The following LEPROTL1 variants were observed in gnomAD, a reference collection of about 807,000 sequenced individuals.
LEPROTL1 encodes leptin receptor overlapping transcript like 1.
A neutral mutation model predicts 15.4 loss-of-function variants in LEPROTL1; 6 were observed. The ratio of observed to expected loss-of-function variants is 0.39; its 90% CI spans 0.21 to 0.77. The LOEUF is 0.77. Ranked by LOEUF, LEPROTL1 falls within the 30% of genes least tolerant of loss-of-function variation. The probability of loss-of-function intolerance (pLI) is 0.41; values close to 1 mark genes in which losing one functional copy is unlikely to be tolerated. For missense variants in LEPROTL1, 128 were observed against 158.1 expected (o/e 0.81, Z 1.02); for synonymous variants, 56 against 52.6 (o/e 1.06, Z -0.28).
intron 3 of LEPROTL1, among the ~76,000 whole-genome samples, chr8:30,131,272 G>A (rs146396086): frequency 2.1e-4 from 6 of 28,532 alleles, no homozygotes; most frequent in Non-Finnish European, 4.6e-4. Flanking sequence ...ATATATATAT[G>A]TGTGTGTATA....
chr8:30,097,696 TATAC>T (rs1206175961), intron 1 of LEPROTL1, among the ~76,000 whole-genome samples: 30 of 108,958 alleles, frequency 2.8e-4, no homozygotes, highest in African/African-American at 4.1e-4. Context: ...TATATATATA[TATAC>T]ACACACACAC....
At chr8:30,104,219 T>C in intron 2 of LEPROTL1, 81 bp from the exon 3 acceptor site, 1 of 837,060 alleles carries the variant, frequency 1.2e-6, no homozygotes, top group Non-Finnish European at 1.7e-6. Flanking sequence ...CGATTGAATC[T>C]TGATTTTTTA....
In LEPROTL1 at chr8:30,115,195, T is replaced by C. The variant is rs563857726; in HGVS notation, c.279+10709T>C. ...CCTGCGCAATATGATAAGCCTCATC[T>C]CTATAAAAATACAAAAATTAGCCGG... On this transcript the variant is annotated intron_variant, in intron 3 of 4. Coordinates refer to the LEPROTL1 transcript ENST00000442880. Among the ~76,000 whole-genome samples, 66 of 151,966 alleles carry C rather than the reference T, an allele frequency of 4.3e-4. 2 individuals carry two copies. The South Asian group carries it at 0.012, about 27-fold the overall frequency.
chr8:30,132,449 C>G lies in LEPROTL1; in HGVS notation c.354C>G (p.Cys118Trp), dbSNP rs1014636960. 5 of 1,551,730 alleles carry G rather than the reference C, an allele frequency of 3.2e-6. No homozygotes were observed. In the Admixed American group the frequency reaches 9.8e-5, roughly 30 times the overall value. Residue 118 changes from cysteine to tryptophan, a missense_variant, in exon 4 of 5, where the codon TGC (cysteine) becomes TGG (tryptophan). By Grantham distance (215) the Cys-to-Trp change is radical. Coordinates refer to the LEPROTL1 transcript ENST00000442880. Reference sequence around the variant, plus strand: ...CCAAGCTCAGGCCCAAAGCCCGCTGCGTGGAGGAGGGAGTCGTCCAGGATC... The same window carrying G: ...CCAAGCTCAGGCCCAAAGCCCGCTGGGTGGAGGAGGGAGTCGTCCAGGATC...
At chr8:30,135,947 GAC>G (rs1803130342) in intron 4 of LEPROTL1, among the ~76,000 whole-genome samples, 1 of 148,806 alleles carries the variant, frequency 6.7e-6, no homozygotes, top group African/African-American at 2.5e-5. Flanking sequence ...AAATTACAAT[GAC>G]ACACTCTACA....
rs1373462354 is a variant in LEPROTL1 at position 30,107,792 on chromosome 8, T to G, written c.*1930T>G. Reference sequence around the variant, plus strand: ...AGTGCATTCTCTGGTCCTTCCCTATTTTCTGTTCTGGATGTCAGTGCAGTG... The same window carrying G: ...AGTGCATTCTCTGGTCCTTCCCTATGTTCTGTTCTGGATGTCAGTGCAGTG... On this transcript the variant is annotated 3_prime_UTR_variant, in exon 4 of 4. Coordinates refer to ENST00000321250, the MANE Select transcript of LEPROTL1 (RefSeq NM_015344.3). 1 of 985,456 alleles carries G rather than the reference T, an allele frequency of 1.0e-6. No homozygotes were observed. Among genetic ancestry groups the G allele is most frequent in the Non-Finnish European group, 1.2e-6 (1 of 829,920 alleles). The allele number at this position is 985,456 out of a possible 1,614,324, so 61.0% of individuals were successfully genotyped here.
At chr8:30,130,391 G>A (rs1360756371) in intron 3 of LEPROTL1, among the ~76,000 whole-genome samples, 3 of 152,204 alleles carry the variant, frequency 2.0e-5, no homozygotes, top group African/African-American at 7.2e-5. Flanking sequence ...AATTAAAGTT[G>A]ACTAAAGAAA....
At chr8:30,113,503 A>G (rs1802686688), downstream of LEPROTL1, among the ~76,000 whole-genome samples, 1 of 152,186 alleles carries the variant, frequency 6.6e-6, no homozygotes, top group Non-Finnish European at 1.5e-5. Context: ...GGTGGAATCC[A>G]GGAGCAGGAG....
chr8:30,115,159 T>C (rs1455733142), intron 3 of LEPROTL1, among the ~76,000 whole-genome samples: 1 of 151,928 alleles, frequency 6.6e-6, no homozygotes, highest in African/African-American at 2.4e-5. Context: ...AGAGCAGTAG[T>C]TCAAGATCAG....
intron 3 of LEPROTL1, among the ~76,000 whole-genome samples, chr8:30,122,704 A>T (rs1025467576): frequency 1.3e-5 from 2 of 152,204 alleles, no homozygotes; most frequent in Non-Finnish European, 2.9e-5. Flanking sequence ...CTGCGGCAGG[A>T]GAATCCCTTG....
chr8:30,137,099 C>T (rs891071511), intron 4 of LEPROTL1, among the ~76,000 whole-genome samples: 6 of 152,104 alleles, frequency 3.9e-5, no homozygotes, highest in African/African-American at 1.4e-4. Context: ...CCGCCTGGAG[C>T]ATCACAGCCT....
chr8:30,116,165 T>C (rs1335115449), intron 3 of LEPROTL1, among the ~76,000 whole-genome samples: 1 of 151,982 alleles, frequency 6.6e-6, no homozygotes, highest in Non-Finnish European at 1.5e-5. Flanking sequence ...CACCTAAGCC[T>C]TGAGGTAGAG....
chr8:30,095,616 C>T (rs1802347577), intron 1 of LEPROTL1, 88 bp downstream of exon 1: 1 of 1,114,344 alleles, frequency 9.0e-7, no homozygotes, highest in Non-Finnish European at 1.2e-6. Flanking sequence ...ACTTCCCCTC[C>T]GGGCTCGCGC....
chr8:30,105,666 T>C, intron 3 of LEPROTL1, 80 bp from the exon 4 acceptor site: 1 of 1,211,690 alleles, frequency 8.3e-7, no homozygotes, highest in Non-Finnish European at 1.2e-6. Flanking sequence ...ATAATTGGGA[T>C]ACAACTAGAG....
downstream of LEPROTL1, chr8:30,138,067 AT>A: frequency 5.8e-6 from 1 of 171,216 alleles, no homozygotes; most frequent in Non-Finnish European, 1.3e-5. Flanking sequence ...ACTCCCTATG[AT>A]TTCATCTCCA....
intron 3 of LEPROTL1, among the ~76,000 whole-genome samples, chr8:30,120,915 C>T (rs1444669197): frequency 1.3e-5 from 2 of 152,110 alleles, no homozygotes; most frequent in Non-Finnish European, 2.9e-5. Flanking sequence ...TATATACCCG[C>T]ATAATTCTAT....
chr8:30,127,088 T>C (rs1802915695), intron 3 of LEPROTL1, among the ~76,000 whole-genome samples: 1 of 151,670 alleles, frequency 6.6e-6, no homozygotes, highest in Non-Finnish European at 1.5e-5. Flanking sequence ...ATGACCTGAG[T>C]TCTCATGACA....
intron 3 of LEPROTL1, among the ~76,000 whole-genome samples, chr8:30,119,476 G>T (rs145441471): frequency 2.0e-5 from 3 of 152,078 alleles, no homozygotes; most frequent in African/African-American, 7.2e-5. Flanking sequence ...CCACTGCACC[G>T]TATCTAGTTT....
intron 3 of LEPROTL1, chr8:30,132,249 A>G (rs1447771159): frequency 1.3e-6 from 2 of 1,551,714 alleles, no homozygotes; most frequent in Non-Finnish European, 1.7e-6. Flanking sequence ...GCCACCAGGC[A>G]GAGAAGGCAA....
Sources: gnomAD v4.1 joint callset for allele counts (sites outside exome capture counted in the v4.1 genomes callset) on GRCh38, gnomAD v4.1.1 for gene constraint, MANE v1.5 for transcripts, NCBI Gene and HGNC (gene_info 2026-07-23, HGNC 2026-07-21) for gene names.